Variants in APBA1 observed in about 807,000 individuals in gnomAD.
The protein encoded by APBA1 is amyloid beta precursor protein binding family A member 1.
A neutral mutation model predicts 86.6 loss-of-function variants in APBA1; 55 were observed. The ratio of observed to expected loss-of-function variants is 0.64; its 90% CI spans 0.51 to 0.80. The LOEUF (loss-of-function observed/expected upper bound fraction) is 0.80, where lower values mean the gene tolerates loss of function less well. Ranked by LOEUF, APBA1 falls within the 30% of genes least tolerant of loss-of-function variation. APBA1 has a pLI of 0.00. For missense variants in APBA1, 1,090 were observed against 1,183.0 expected (o/e 0.92, Z 1.15); for synonymous variants, 511 against 493.9 (o/e 1.03, Z -0.46).
chr9:69,653,776 A>G (rs1203928730), intron 1 of APBA1, among the ~76,000 whole-genome samples: 1 of 152,214 alleles, frequency 6.6e-6, no homozygotes, highest in East Asian at 1.9e-4. Context: ...GAAATAGAAC[A>G]TACCAAAACC....
intron 2 of APBA1, among the ~76,000 whole-genome samples, chr9:69,485,951 T>C (rs1302039872): frequency 6.6e-6 from 1 of 151,962 alleles, no homozygotes; most frequent in East Asian, 1.9e-4. Context: ...TCATTCATTT[T>C]AATTCTTTTT....
intron 2 of APBA1, among the ~76,000 whole-genome samples, chr9:69,491,395 A>C (rs1835707919): frequency 6.6e-6 from 1 of 152,004 alleles, no homozygotes; most frequent in Non-Finnish European, 1.5e-5. Context: ...CATAGGTGGG[A>C]ATTGAACAAA....
At chr9:69,557,768 C>T (rs1836885564) in intron 1 of APBA1, among the ~76,000 whole-genome samples, 1 of 152,302 alleles carries the variant, frequency 6.6e-6, no homozygotes, top group Middle Eastern at 3.4e-3. Flanking sequence ...TCCTGTTTGC[C>T]ACAAGCCTCA....
intron 1 of APBA1, among the ~76,000 whole-genome samples, chr9:69,567,962 C>T (rs1837055751): frequency 6.6e-6 from 1 of 152,158 alleles, no homozygotes; most frequent in East Asian, 1.9e-4. Context: ...CAGGAATGTT[C>T]CAGACTTCAT....
intron 1 of APBA1, among the ~76,000 whole-genome samples, chr9:69,519,837 G>T (rs1163016759): frequency 6.6e-6 from 1 of 152,202 alleles, no homozygotes; most frequent in Non-Finnish European, 1.5e-5. Context: ...TAAAATCGGT[G>T]AATGGTGCCC....
intron 1 of APBA1, among the ~76,000 whole-genome samples, chr9:69,545,166 T>G (rs1343018857): frequency 6.6e-6 from 1 of 152,210 alleles, no homozygotes; most frequent in African/African-American, 2.4e-5. Flanking sequence ...GGAACAAAAC[T>G]ACCTTAGGAG....
At chr9:69,584,245 A>C (rs1821974200) in intron 1 of APBA1, among the ~76,000 whole-genome samples, 1 of 152,178 alleles carries the variant, frequency 6.6e-6, no homozygotes, top group Non-Finnish European at 1.5e-5. Context: ...GTAAAAGTAT[A>C]TTTATCATAC....
chr9:69,550,561 C>A (rs985251299), intron 1 of APBA1, among the ~76,000 whole-genome samples: 3 of 152,180 alleles, frequency 2.0e-5, no homozygotes, highest in Non-Finnish European at 4.4e-5. Flanking sequence ...TCCATTCATT[C>A]TGTAAATATT....
At chr9:69,527,712 GACTCTATACTT>G (rs1588342565) in intron 1 of APBA1, among the ~76,000 whole-genome samples, 2 of 152,072 alleles carry the variant, frequency 1.3e-5, no homozygotes, top group Admixed American at 6.6e-5. Context: ...CACCTTGGCT[GACTCTATACTT>G]ACTCTATACT....
At position 69,465,075 on chromosome 9, in the gene APBA1, A is replaced by C. The variant is rs992883940; in HGVS notation, c.1482+2748T>G. 3.3e-5 allele frequency: 5 copies of C among 152,312 alleles called. No homozygotes were observed. In the East Asian group the frequency reaches 7.7e-4, roughly 23 times the overall value. The allele number at this position is 152,312 out of a possible 1,614,324, so 9.4% of individuals were successfully genotyped here. A position where few individuals can be genotyped will look rare whatever the true frequency, so the allele number is the denominator to read the frequency against. On this transcript the variant is annotated intron_variant, in intron 5 of 12. Transcript: ENST00000265381. ...TACGCCTGAACGGGCTCTGGGTAGC[A>C]TTCCTTGATAGGGGCTCTTTGGCAT...
chr9:69,504,257 T>G (rs1835919880), intron 2 of APBA1, among the ~76,000 whole-genome samples: 1 of 152,102 alleles, frequency 6.6e-6, no homozygotes, highest in African/African-American at 2.4e-5. Flanking sequence ...GAAGTTCATG[T>G]GTTCTTTGGC....
At chr9:69,485,650 G>T (rs538109315) in intron 2 of APBA1, among the ~76,000 whole-genome samples, 5 of 152,040 alleles carry the variant, frequency 3.3e-5, no homozygotes, top group Non-Finnish European at 7.3e-5. Context: ...GGCTGAACCC[G>T]GACGTCTATC....
chr9:69,569,948 C>T (rs1368835465), intron 1 of APBA1, among the ~76,000 whole-genome samples: 1 of 152,084 alleles, frequency 6.6e-6, no homozygotes, highest in Non-Finnish European at 1.5e-5. Flanking sequence ...ATTCTTGTTC[C>T]CATGCCAGGT....
chr9:69,456,434 T>C lies in APBA1; in HGVS notation c.1603-2A>G. On this transcript the variant is annotated splice_acceptor_variant, in intron 7 of 12. Transcript: ENST00000265381. LOFTEE classifies it high-confidence loss of function. Reference sequence around the variant, plus strand: ...CAGAGGGTGGTCCATCATTGTCTCCTGGAGGCAGGAAGAGAGGGCGGGTAA... The same window carrying C: ...CAGAGGGTGGTCCATCATTGTCTCCCGGAGGCAGGAAGAGAGGGCGGGTAA... 1 of 1,584,878 alleles carries C rather than the reference T, an allele frequency of 6.3e-7. No homozygotes were observed. Among genetic ancestry groups the C allele is most frequent in the South Asian group, 1.2e-5 (1 of 85,934 alleles).
chr9:69,634,193 G>T (rs1022061002), intron 1 of APBA1, among the ~76,000 whole-genome samples: 3 of 152,174 alleles, frequency 2.0e-5, no homozygotes, highest in Admixed American at 6.5e-5. Flanking sequence ...CCCTGGCAAC[G>T]ACCATGTGGT....
At chr9:69,570,053 C>G (rs1186184152) in intron 1 of APBA1, among the ~76,000 whole-genome samples, 1 of 152,192 alleles carries the variant, frequency 6.6e-6, no homozygotes, top group Non-Finnish European at 1.5e-5. Flanking sequence ...AGGCACTTAA[C>G]TCATTGCTTC....
chr9:69,575,887 C>A (rs963963709), intron 1 of APBA1, among the ~76,000 whole-genome samples: 3 of 152,140 alleles, frequency 2.0e-5, no homozygotes, highest in African/African-American at 7.2e-5. Context: ...AGCTTCTACA[C>A]AGCAAAAGAA....
At chr9:69,644,603 T>A (rs934619485) in intron 1 of APBA1, among the ~76,000 whole-genome samples, 1 of 152,194 alleles carries the variant, frequency 6.6e-6, no homozygotes, top group Non-Finnish European at 1.5e-5. Flanking sequence ...AGCAAACCTG[T>A]TCTTCTCTTT....
chr9:69,638,743 T>C (rs1056649385), intron 1 of APBA1, among the ~76,000 whole-genome samples: 5 of 152,204 alleles, frequency 3.3e-5, no homozygotes, highest in Admixed American at 2.0e-4. Flanking sequence ...AGTTGGTGTC[T>C]GTCTAGGCAA....
Sources: allele counts gnomAD v4.1 joint callset (sites outside exome capture counted in the v4.1 genomes callset), GRCh38; gene constraint gnomAD v4.1.1; transcripts MANE v1.5; gene names NCBI Gene and HGNC (gene_info 2026-07-23, HGNC 2026-07-21).